Variants in BAZ1A observed in about 807,000 individuals in gnomAD.
The protein encoded by BAZ1A is bromodomain adjacent to zinc finger domain 1A, also known as bromodomain adjacent to zinc finger domain protein 1A.
In BAZ1A, 50 loss-of-function variants were observed where a neutral mutation model predicts 185.2. The observed-to-expected ratio is 0.27, with a 90% CI of 0.22 to 0.34. The LOEUF (loss-of-function observed/expected upper bound fraction) is 0.34, where lower values mean the gene tolerates loss of function less well. BAZ1A is among the 10% of genes least tolerant of loss of function. The pLI is 1.00. For synonymous variants in BAZ1A, 571 were observed against 615.6 expected (o/e 0.93, Z 1.07); for missense variants, 1,356 against 1,839.9 (o/e 0.74, Z 4.81).
In BAZ1A at chr14:34,764,717, C is replaced by T. The variant is rs1226586028; in HGVS notation, c.3766G>A (p.Glu1256Lys). Residue 1256 changes from glutamate to lysine, a missense_variant, in exon 23 of 27, where the codon GAA becomes AAA. Physicochemically the swap from Glu to Lys is moderately conservative, Grantham distance 56 (BLOSUM62 1). Transcript: ENST00000360310. ...EQDEDDSQEEEEVSLPKRGRP... is the reference protein window; with the variant it reads ...EQDEDDSQEEKEVSLPKRGRP... ...CATGTTAGGACTTACCTGACTTCTT[C>T]CTCTTCTTGAGAGTCATCTTCATCT... 6.2e-7 allele frequency: 1 copy of T among 1,607,404 alleles called. No homozygotes were observed.
intron 12 of BAZ1A, among the ~76,000 whole-genome samples, chr14:34,789,016 G>A (rs946815793): frequency 2.6e-5 from 4 of 152,154 alleles, no homozygotes; most frequent in African/African-American, 7.2e-5. Context: ...CACAGGAGAA[G>A]CTATCTATAA....
intron 5 of BAZ1A, among the ~76,000 whole-genome samples, chr14:34,810,424 ACTTT>A (rs2041914129): frequency 1.3e-5 from 2 of 152,186 alleles, no homozygotes; most frequent in South Asian, 4.1e-4. Flanking sequence ...TTATGATTTA[ACTTT>A]CTTAATGAAT....
Position 34,802,964 on chromosome 14 carries a change from T to C in BAZ1A, c.751A>G (p.Ile251Val). Reference protein sequence around the residue: ...IKASSLSTYKIAEQDFSYFFP... With the variant: ...IKASSLSTYKVAEQDFSYFFP... The stretch of plus-strand genomic sequence containing the variant: ...AAATAAGAAAAATCTTGTTCTGCTA[T>C]TTTATACGTTGAAAGAGATGATGCC... The change falls in exon 7 of 27, where the codon ATA becomes GTA. Residue 251 changes from isoleucine (I) to valine (V), a missense_variant. Ile to Val is a conservative substitution (Grantham distance 29, BLOSUM62 3). Around this residue, in one of 7 missense-constraint regions of BAZ1A, gnomAD observed 332 missense variants for 395.3 expected, o/e 0.84. Transcript: ENST00000360310. 1 of 1,611,498 alleles carries C rather than the reference T, an allele frequency of 6.2e-7. No homozygotes were observed. The highest frequency in any genetic ancestry group is 8.5e-7 in the Non-Finnish European group (1 of 1,177,666).
intron 3 of BAZ1A, among the ~76,000 whole-genome samples, chr14:34,833,087 T>A (rs1198757458): frequency 6.6e-6 from 1 of 151,964 alleles, no homozygotes; most frequent in Non-Finnish European, 1.5e-5. Flanking sequence ...AACAAAAATT[T>A]AAAAATTAGC....
chr14:34,864,950 G>T (rs889975538), intron 2 of BAZ1A, among the ~76,000 whole-genome samples: 3 of 151,148 alleles, frequency 2.0e-5, no homozygotes, highest in African/African-American at 7.3e-5. Context: ...CTAATTTTTT[G>T]CATTTTCAGT....
chr14:34,835,918 G>A (rs2042322419), intron 3 of BAZ1A, among the ~76,000 whole-genome samples: 2 of 151,586 alleles, frequency 1.3e-5, no homozygotes, highest in African/African-American at 2.4e-5. Flanking sequence ...TGATCTGCCC[G>A]CCTCAGCCTC....
At chr14:34,830,599 T>C (rs891011507) in intron 3 of BAZ1A, among the ~76,000 whole-genome samples, 9 of 152,044 alleles carry the variant, frequency 5.9e-5, no homozygotes, top group African/African-American at 2.2e-4. Flanking sequence ...TCTGAGATTT[T>C]GAAAATGTTA....
chr14:34,825,894 A>C, intron 4 of BAZ1A, 119 bp downstream of exon 4: 1 of 989,500 alleles, frequency 1.0e-6, no homozygotes, highest in Non-Finnish European at 1.4e-6. Flanking sequence ...GCTGAGATCG[A>C]GCCACTGTAC....
chr14:34,776,996 GA>G (rs1400353834), intron 17 of BAZ1A, among the ~76,000 whole-genome samples: 3 of 152,162 alleles, frequency 2.0e-5, no homozygotes, highest in Admixed American at 1.3e-4. Flanking sequence ...ATGTTAATAA[GA>G]AATCAATATA....
chr14:34,758,047 A>C (rs1886344359), intron 25 of BAZ1A, among the ~76,000 whole-genome samples: 1 of 149,668 alleles, frequency 6.7e-6, no homozygotes, highest in East Asian at 2.1e-4. Context: ...GCGCCCGGCC[A>C]ACCCTATTGT....
intron 3 of BAZ1A, among the ~76,000 whole-genome samples, chr14:34,839,764 T>C (rs1258987095): frequency 7.3e-5 from 10 of 136,290 alleles, no homozygotes; most frequent in Non-Finnish European, 1.2e-4. Context: ...GGCGTGAACC[T>C]GGGAGGCGGA....
At chr14:34,849,347 C>T (rs2042563298) in intron 3 of BAZ1A, among the ~76,000 whole-genome samples, 1 of 152,118 alleles carries the variant, frequency 6.6e-6, no homozygotes, top group South Asian at 2.1e-4. Flanking sequence ...AGAAGACATC[C>T]AAACCATTAC....
In BAZ1A at chr14:34,794,750, T is replaced by C. The variant is rs370261847; in HGVS notation, c.1362A>G (p.Leu454=). ...LQDEFPDGVT[L]EVLEEALVGN... is the part of the protein sequence containing the mutation. ...GCAATAGATAACTAAAGCACTTGCC[T>C]AGGGTTACTCCATCAGGAAACTCAT... The change falls in exon 11 of 27, where the codon CTA becomes CTG. Residue 454 remains leucine, a splice_region_variant and synonymous_variant. Coordinates refer to ENST00000360310, the MANE Select transcript of BAZ1A (RefSeq NM_013448.3). 5.6e-6 allele frequency: 9 copies of C among 1,611,578 alleles called. No individual in the cohort carries two copies. Among genetic ancestry groups the C allele is most frequent in the Non-Finnish European group, 7.6e-6 (9 of 1,179,232 alleles).
intron 3 of BAZ1A, among the ~76,000 whole-genome samples, chr14:34,850,246 A>C (rs1019813446): frequency 3.3e-5 from 5 of 152,084 alleles, no homozygotes; most frequent in Non-Finnish European, 7.4e-5. Context: ...GGTGTGGTGG[A>C]ATGGGCCTGT....
In BAZ1A at chr14:34,752,840, C is replaced by CT. The variant is rs1237200019; in HGVS notation, c.*667dup. On this transcript the variant is annotated 3_prime_UTR_variant, in exon 27 of 27. Transcript: ENST00000360310. ...CTGTCAGGAAAAAGGGAGGGTGTTA[C>CT]TTTTTTTGATTGATCATTAAGGAAG... 18 of 152,124 alleles carry CT rather than the reference C, an allele frequency of 1.2e-4. No homozygotes were observed. Among genetic ancestry groups the CT allele is most frequent in the African/African-American group, 4.3e-4 (18 of 41,414 alleles). 9.4% of individuals were successfully genotyped at this position (152,124 alleles called of 1,614,324 possible).
At chr14:34,866,399 G>T (rs916035177) in intron 2 of BAZ1A, among the ~76,000 whole-genome samples, 14 of 150,614 alleles carry the variant, frequency 9.3e-5, no homozygotes, top group African/African-American at 3.4e-4. Context: ...GAGGCAGGAG[G>T]AGCACTTCAG....
At chr14:34,805,788 T>C (rs144167492) in intron 6 of BAZ1A, among the ~76,000 whole-genome samples, 1 of 152,206 alleles carries the variant, frequency 6.6e-6, no homozygotes, top group Non-Finnish European at 1.5e-5. Flanking sequence ...ATTTTCCTAC[T>C]GGGGTGCTTA....
Position 34,874,164 on chromosome 14 carries a change from G to T in BAZ1A, c.113+328C>A, listed in dbSNP as rs916919755. Among the ~76,000 whole-genome samples, 1 of 152,082 alleles carries T rather than the reference G, an allele frequency of 6.6e-6. No homozygotes were observed. Among genetic ancestry groups the T allele is most frequent in the Non-Finnish European group, 1.5e-5 (1 of 67,964 alleles). ...CGGAGTGCGCGTGTGGCCGCGGCGG[G>T]GAGGGGCGAGGCGGGGAGTTTCCGC... On this transcript the variant is annotated intron_variant, in intron 2 of 26. Transcript: ENST00000360310. This position sits in a 1 kb window ranked among gnomAD's most constrained non-coding sequence, Gnocchi z 4.7.
At chr14:34,846,380 A>C (rs146761812) in intron 3 of BAZ1A, among the ~76,000 whole-genome samples, 1 of 152,316 alleles carries the variant, frequency 6.6e-6, no homozygotes, top group East Asian at 1.9e-4. Flanking sequence ...TCTCACCCCC[A>C]GCATTTACCA....
Sources: allele counts gnomAD v4.1 joint callset (sites outside exome capture counted in the v4.1 genomes callset), GRCh38; gene constraint gnomAD v4.1.1; regional missense constraint gnomAD v4.1.1; non-coding constraint Gnocchi (gnomAD v3.1); transcripts MANE v1.5; gene names NCBI Gene and HGNC (gene_info 2026-07-23, HGNC 2026-07-21).